NINL: variants seen among roughly 807,000 people sequenced by gnomAD.
NINL encodes the protein ninein like.
A neutral mutation model predicts 160.3 loss-of-function variants in NINL; 153 were observed. The observed-to-expected ratio is 0.95, with a 90% confidence interval of 0.84 to 1.09. NINL has a LOEUF of 1.09. NINL is among the 50% of genes least tolerant of loss of function. The pLI is 0.00. For missense variants in NINL, 1,829 were observed against 1,764.0 expected (o/e 1.04, Z -0.66); for synonymous variants, 800 against 734.8 (o/e 1.09, Z -1.43).
chr20:25,475,988 A>G, intron 17 of NINL, 55 bp downstream of exon 17: 1 of 1,545,052 alleles, frequency 6.5e-7, no homozygotes, highest in South Asian at 1.2e-5. Context: ...TCAGTGGGTT[A>G]GTTCTGCATT....
At chr20:25,475,982 T>G (rs1321095136) in intron 17 of NINL, 61 bp downstream of exon 17, 3 of 1,523,944 alleles carry the variant, frequency 2.0e-6, no homozygotes, top group African/African-American at 2.8e-5. Context: ...CAGGGGTCAG[T>G]GGGTTAGTTC....
chr20:25,516,660 T>C (rs1239236791), intron 3 of NINL, among the ~76,000 whole-genome samples: 1 of 152,126 alleles, frequency 6.6e-6, no homozygotes, highest in African/African-American at 2.4e-5. Context: ...GGGAGCCCTT[T>C]CACATCTTAA....
intron 1 of NINL, among the ~76,000 whole-genome samples, chr20:25,577,363 T>A (rs2065126410): frequency 6.6e-6 from 1 of 152,108 alleles, no homozygotes; most frequent in African/African-American, 2.4e-5. Flanking sequence ...CCTGCCTGGT[T>A]TTGTCCTCCT....
intron 1 of NINL, among the ~76,000 whole-genome samples, chr20:25,536,005 G>A (rs1378448928): frequency 1.3e-5 from 2 of 152,188 alleles, no homozygotes; most frequent in African/African-American, 2.4e-5. Context: ...GCAAACTAAC[G>A]AGTGAGCCCT....
chr20:25,503,386 C>T (rs1273357800), intron 7 of NINL, among the ~76,000 whole-genome samples: 2 of 137,034 alleles, frequency 1.5e-5, no homozygotes, highest in Non-Finnish European at 3.1e-5. Flanking sequence ...AGGAGGTGGG[C>T]ACCTGAGCAG....
At chr20:25,503,806 C>T in intron 7 of NINL, 146 bp downstream of exon 7, 1 of 941,876 alleles carries the variant, frequency 1.1e-6, no homozygotes. Flanking sequence ...ACGTGGCCTC[C>T]CATATACATG....
At chr20:25,477,240 A>G (rs1347657838) in intron 16 of NINL, 151 bp from the exon 17 acceptor site, 2 of 752,206 alleles carry the variant, frequency 2.7e-6, no homozygotes, top group African/African-American at 1.8e-5. Context: ...CCTGGCTTCA[A>G]CCTATACCCT....
chr20:25,495,096 C>A (rs1291529545), intron 10 of NINL, among the ~76,000 whole-genome samples: 1 of 152,184 alleles, frequency 6.6e-6, no homozygotes, highest in Non-Finnish European at 1.5e-5. Context: ...ACAGGAGACA[C>A]ACCACAGCTG....
chr20:25,559,658 T>C (rs1392330278), intron 1 of NINL, among the ~76,000 whole-genome samples: 2 of 152,106 alleles, frequency 1.3e-5, no homozygotes, highest in Non-Finnish European at 2.9e-5. Context: ...TGGAGTGCAA[T>C]GGCCCCATCA....
intron 19 of NINL, among the ~76,000 whole-genome samples, chr20:25,463,431 AT>A (rs1247673646): frequency 1.3e-5 from 2 of 152,218 alleles, no homozygotes; most frequent in Non-Finnish European, 2.9e-5. Context: ...ACATAGGTTC[AT>A]CAAATTGTAT....
intron 1 of NINL, among the ~76,000 whole-genome samples, chr20:25,528,040 A>G (rs1056940556): frequency 6.6e-6 from 1 of 152,094 alleles, no homozygotes; most frequent in African/African-American, 2.4e-5. Context: ...TTTATTTTTG[A>G]CTGTTTAGAG....
At chr20:25,505,455 C>G (rs778390329) in intron 5 of NINL, among the ~76,000 whole-genome samples, 34 of 152,184 alleles carry the variant, frequency 2.2e-4, no homozygotes, top group Non-Finnish European at 3.4e-4. Flanking sequence ...GAGAGTCTAT[C>G]TCAAGTGTTC....
At chr20:25,455,928 A>G (rs1296314291) in intron 22 of NINL, 142 bp from the exon 23 acceptor site, 2 of 657,460 alleles carry the variant, frequency 3.0e-6, no homozygotes, top group East Asian at 2.7e-5. Context: ...CCCCATCTCT[A>G]CTAAAAAAAA....
At chr20:25,526,663 A>G (rs1249738994) in intron 1 of NINL, 65 bp from the exon 2 acceptor site, 1 of 1,495,534 alleles carries the variant, frequency 6.7e-7, no homozygotes, top group Non-Finnish European at 9.2e-7. Flanking sequence ...CCATTCCCAC[A>G]CTGCCGGTGA....
intron 23 of NINL, among the ~76,000 whole-genome samples, chr20:25,454,046 A>C (rs1381115739): frequency 1.3e-5 from 2 of 151,624 alleles, no homozygotes; most frequent in Non-Finnish European, 1.5e-5. Flanking sequence ...ACAGAGCAAG[A>C]CTCTGTCTCC....
At chr20:25,575,372 A>G (rs2065102651) in intron 1 of NINL, among the ~76,000 whole-genome samples, 1 of 150,734 alleles carries the variant, frequency 6.6e-6, no homozygotes, top group Non-Finnish European at 1.5e-5. Context: ...GCATGAACCC[A>G]GAAGGCGGAG....
At chr20:25,518,166 G>A (rs2064195606) in intron 2 of NINL, among the ~76,000 whole-genome samples, 1 of 152,140 alleles carries the variant, frequency 6.6e-6, no homozygotes, top group Non-Finnish European at 1.5e-5. Context: ...CATCCCCAAC[G>A]CCACCAGCAC....
chr20:25,554,680 G>A (rs1238305414), intron 1 of NINL, among the ~76,000 whole-genome samples: 1 of 150,820 alleles, frequency 6.6e-6, no homozygotes, highest in African/African-American at 2.4e-5. Context: ...GGTGATGGGG[G>A]TCTGTAGTCC....
chr20:25,565,317 T>C (rs1041812184), intron 1 of NINL, among the ~76,000 whole-genome samples: 40 of 139,344 alleles, frequency 2.9e-4, no homozygotes, highest in Middle Eastern at 3.6e-3. Flanking sequence ...ACTTGAAAAA[T>C]GAAGCCTCCA....
Sources: gnomAD v4.1 joint callset for allele counts (sites outside exome capture counted in the v4.1 genomes callset) on GRCh38, gnomAD v4.1.1 for gene constraint, MANE v1.5 for transcripts, NCBI Gene and HGNC (gene_info 2026-07-23, HGNC 2026-07-21) for gene names.